Variants in CMSS1 observed in about 807,000 individuals in gnomAD.
CMSS1 encodes the protein protein CMSS1.
A neutral mutation model predicts 43.5 loss-of-function variants in CMSS1; 33 were observed. The observed-to-expected ratio is 0.76, with a 90% CI of 0.57 to 1.01. The LOEUF (loss-of-function observed/expected upper bound fraction) is 1.01. Among genes scored for constraint, CMSS1 ranks in the 50% least tolerant of loss-of-function variants. CMSS1 has a pLI of 0.00. For synonymous variants in CMSS1, 115 were observed against 117.2 expected (o/e 0.98, Z 0.12); for missense variants, 313 against 326.4 (o/e 0.96, Z 0.32).
At position 99,832,772 on chromosome 3, in the gene CMSS1, G is replaced by A. The variant is rs554418055; in HGVS notation, c.64+14729G>A. On this transcript the variant is annotated intron_variant, in intron 1 of 9. Coordinates refer to ENST00000421999, the MANE Select transcript of CMSS1 (RefSeq NM_032359.4). ...GGAGAATCGCTTGAACCCACGAGGC[G>A]GAGGTTGCAGTGAGCCGAGATCATA... Among the ~76,000 whole-genome samples the A allele has an allele frequency of 7.6e-4, 112 of 147,514 alleles. 3 individuals carry two copies. In the East Asian group the frequency reaches 0.022, roughly 28 times the overall value.
intron 1 of CMSS1, among the ~76,000 whole-genome samples, chr3:100,061,759 A>G (rs1227876078): frequency 1.1e-4 from 17 of 152,232 alleles, no homozygotes; most frequent in Non-Finnish European, 4.4e-5. Flanking sequence ...AAACTGAAGC[A>G]CAGAGAAGGT....
At chr3:100,144,435 C>T (rs1397405345) in intron 1 of CMSS1, among the ~76,000 whole-genome samples, 1 of 152,148 alleles carries the variant, frequency 6.6e-6, no homozygotes, top group Non-Finnish European at 1.5e-5. Context: ...ACCATTGATA[C>T]TGCAGTGGTG....
At chr3:100,051,577 T>A (rs1025481789) in intron 1 of CMSS1, among the ~76,000 whole-genome samples, 2 of 142,898 alleles carry the variant, frequency 1.4e-5, no homozygotes, top group Admixed American at 1.5e-4. Flanking sequence ...TCATTGTTCA[T>A]TTCCCACCTA....
intron 1 of CMSS1, among the ~76,000 whole-genome samples, chr3:99,891,072 A>G (rs2107614501): frequency 6.7e-6 from 1 of 149,180 alleles, no homozygotes; most frequent in African/African-American, 2.5e-5. Flanking sequence ...TTTTTTTTTC[A>G]GACCACCCAG....
chr3:99,850,695 C>T (rs1394951047), intron 1 of CMSS1: 1 of 1,614,132 alleles, frequency 6.2e-7, no homozygotes, highest in South Asian at 1.1e-5. Context: ...TGAGTGCTGC[C>T]AGCTTTTGTT....
rs368515579 is a variant in CMSS1, at chr3:100,130,728, C to T, written c.65-16245C>T. ...TATTCTCAATGGCTTACATATTGTA[C>T]AATGTGTAGTTGTGATAGAGATTAT... On this transcript the variant is annotated intron_variant, in intron 1 of 9. Transcript: ENST00000421999. 2.6e-5 allele frequency among the ~76,000 whole-genome samples: 4 copies of T among 152,058 alleles called. No individual in the cohort carries two copies. In the East Asian group the frequency reaches 7.7e-4, roughly 29 times the overall value.
chr3:99,958,704 A>G (rs1708409499), intron 1 of CMSS1, among the ~76,000 whole-genome samples: 2 of 152,202 alleles, frequency 1.3e-5, no homozygotes, highest in South Asian at 2.1e-4. Context: ...GCATAGAGGC[A>G]TGAGCCAGCA....
Position 100,117,844 on chromosome 3 carries a change from TATATATATAC to T in CMSS1, c.65-29119_65-29110del, listed in dbSNP as rs1228829448. On this transcript the variant is annotated intron_variant, in intron 1 of 9. Coordinates refer to ENST00000421999, the MANE Select transcript of CMSS1 (RefSeq NM_032359.4). ...ACTGCAGTATATATATATATATATATATATATATACATATATATATATATATATATATATA... is the reference window on the plus strand; with the variant it reads ...ACTGCAGTATATATATATATATATATATATATATATATATATATATATATA... Among the ~76,000 whole-genome samples, 620 of 99,250 alleles carry T rather than the reference TATATATATAC, an allele frequency of 6.2e-3. 13 individuals carry two copies. Among genetic ancestry groups the T allele is most frequent in the African/African-American group, 0.013 (305 of 23,444 alleles). 65.1% of individuals were successfully genotyped at this position (99,250 alleles called of 152,430 possible). A position where few individuals can be genotyped will look rare whatever the true frequency, so the allele number is the denominator to read the frequency against.
chr3:99,989,204 G>A (rs1245842513), intron 1 of CMSS1, among the ~76,000 whole-genome samples: 1 of 152,080 alleles, frequency 6.6e-6, no homozygotes, highest in Non-Finnish European at 1.5e-5. Context: ...GTTTAGTGAG[G>A]CTTATGACTC....
At chr3:99,830,596 C>T (rs1158484640) in intron 1 of CMSS1, 1 of 456,420 alleles carries the variant, frequency 2.2e-6, no homozygotes. Flanking sequence ...TGCTTGCATA[C>T]CTCCTTGATC....
intron 1 of CMSS1, among the ~76,000 whole-genome samples, chr3:100,115,491 G>C (rs2066551179): frequency 6.6e-6 from 1 of 151,646 alleles, no homozygotes; most frequent in Non-Finnish European, 1.5e-5. Flanking sequence ...ATTTCCATAT[G>C]CTCTTCACTA....
intron 1 of CMSS1, among the ~76,000 whole-genome samples, chr3:99,886,541 C>T (rs548217496): frequency 1.5e-3 from 234 of 152,182 alleles, no homozygotes; most frequent in Middle Eastern, 3.4e-3. Flanking sequence ...GTTTGGTGTA[C>T]AGCACATTCC....
intron 1 of CMSS1, among the ~76,000 whole-genome samples, chr3:99,882,729 T>A (rs571254337): frequency 1.3e-5 from 2 of 152,282 alleles, no homozygotes; most frequent in African/African-American, 4.8e-5. Context: ...GCACAAACAG[T>A]GTGATTAGTA....
rs772112720 is a variant in CMSS1 at position 100,030,667 on chromosome 3, CCTT to C, written c.65-116303_65-116301del. On this transcript the variant is annotated intron_variant, in intron 1 of 9. Transcript: ENST00000421999. ...ATCATTGTCCCCACAACTAATTTAA[CCTT>C]CTACATTAAACCAGTATCCAATAAC... 2.0e-5 allele frequency among the ~76,000 whole-genome samples: 3 copies of C among 152,256 alleles called. No individual in the cohort carries two copies. The East Asian group carries it at 5.8e-4, about 29-fold the overall frequency.
chr3:99,825,225 C>G (rs1942514738), intron 1 of CMSS1, among the ~76,000 whole-genome samples: 1 of 152,214 alleles, frequency 6.6e-6, no homozygotes, highest in Admixed American at 6.5e-5. Context: ...ATTCGTCAAG[C>G]TCTCATGCTT....
intron 1 of CMSS1, among the ~76,000 whole-genome samples, chr3:99,976,313 AT>A (rs1559710717): frequency 6.6e-6 from 1 of 152,218 alleles, no homozygotes; most frequent in Admixed American, 6.5e-5. Flanking sequence ...TTATAACCAA[AT>A]AATTATATAG....
intron 1 of CMSS1, among the ~76,000 whole-genome samples, chr3:100,016,118 G>T (rs1453406818): frequency 6.6e-6 from 1 of 152,114 alleles, no homozygotes; most frequent in Non-Finnish European, 1.5e-5. Context: ...CCGTTTTGTG[G>T]ATTTAGAGGT....
chr3:100,115,557 T>TTC (rs1444990340), intron 1 of CMSS1, among the ~76,000 whole-genome samples: 25 of 75,246 alleles, frequency 3.3e-4, no homozygotes, highest in East Asian at 7.0e-4. Context: ...CTCTTTCTCT[T>TTC]TCTCTCTCTC....
intron 1 of CMSS1, among the ~76,000 whole-genome samples, chr3:100,122,639 C>T (rs1312482688): frequency 6.6e-6 from 1 of 152,266 alleles, no homozygotes; most frequent in Non-Finnish European, 1.5e-5. Flanking sequence ...CTGCTCTCAA[C>T]CGCAAATAGC....
Sources: allele counts gnomAD v4.1 joint callset (sites outside exome capture counted in the v4.1 genomes callset), GRCh38; gene constraint gnomAD v4.1.1; transcripts MANE v1.5; gene names NCBI Gene and HGNC (gene_info 2026-07-23, HGNC 2026-07-21).